Variants in HPS3 observed in about 807,000 individuals in gnomAD.
HPS3 encodes HPS3 biogenesis of lysosomal organelles complex 2 subunit 1.
HPS3 carries 79 observed loss-of-function variants against 110.9 expected under a neutral mutation model. The ratio of observed to expected loss-of-function variants is 0.71; its 90% confidence interval spans 0.59 to 0.86. The LOEUF (loss-of-function observed/expected upper bound fraction) is 0.86. HPS3 is among the 40% of genes least tolerant of loss of function. The pLI, the probability that HPS3 is intolerant of heterozygous loss-of-function variation, is 0.00. For missense variants in HPS3, 1,197 were observed against 1,206.2 expected (o/e 0.99, Z 0.11); for synonymous variants, 428 against 451.0 (o/e 0.95, Z 0.65).
intron 1 of HPS3, among the ~76,000 whole-genome samples, chr3:149,135,468 G>T (rs1388634209): frequency 1.3e-5 from 2 of 152,086 alleles, no homozygotes; most frequent in African/African-American, 2.4e-5. Context: ...TAAGTGTCTG[G>T]CATTTCCCCT....
At chr3:149,149,969 C>T (rs570084652) in intron 5 of HPS3, among the ~76,000 whole-genome samples, 1 of 152,236 alleles carries the variant, frequency 6.6e-6, no homozygotes, top group South Asian at 2.1e-4. Flanking sequence ...GACCTGGGAT[C>T]TAATTGGCTC....
rs550937118 is a variant in HPS3, at chr3:149,146,951, G to A, written c.1163+1405G>A. On this transcript the variant is annotated intron_variant, in intron 5 of 16. Coordinates refer to ENST00000296051, the MANE Select transcript of HPS3 (RefSeq NM_032383.5). ...TGTTTTAGGAAAATTAATGGTGGCT[G>A]TTGTGGAAGATGGATTGAACATAGA... Among the ~76,000 whole-genome samples the A allele has an allele frequency of 4.6e-5, 7 of 152,322 alleles. No homozygotes were observed. In the South Asian group the frequency reaches 1.2e-3, roughly 27 times the overall value.
intron 5 of HPS3, among the ~76,000 whole-genome samples, chr3:149,147,486 A>G (rs1369837807): frequency 1.3e-5 from 2 of 152,230 alleles, no homozygotes; most frequent in African/African-American, 4.8e-5. Flanking sequence ...CATCTCAGAA[A>G]CAATGGAAAA....
Position 149,141,122 on chromosome 3 carries a change from C to A in HPS3, c.818C>A (p.Thr273Lys). 6.2e-7 allele frequency: 1 copy of A among 1,612,986 alleles called. No homozygotes were observed. The highest frequency in any genetic ancestry group is 8.5e-7 in the Non-Finnish European group (1 of 1,179,794). ...EKSEQSGLSVTLESTGLADEK... is the reference protein window; with the variant it reads ...EKSEQSGLSVKLESTGLADEK... ...AGTGAACAGTCTGGATTATCTGTTA[C>A]ACTGGAGTCTACGGGATTAGCTGAT... The change falls in exon 3 of 17, where the codon ACA becomes AAA. Residue 273 changes from threonine (T) to lysine (K), a missense_variant. Thr to Lys is a moderately conservative substitution (Grantham distance 78). Coordinates refer to ENST00000296051, the MANE Select transcript of HPS3 (RefSeq NM_032383.5).
In HPS3 at chr3:149,160,210, C is replaced by A. The variant is rs2108163172; in HGVS notation, c.2037C>A (p.Thr679=). 6.2e-7 allele frequency: 1 copy of A among 1,613,776 alleles called. No individual in the cohort carries two copies. Among genetic ancestry groups the A allele is most frequent in the South Asian group, 1.1e-5 (1 of 91,060 alleles). ...SGFSSILVTL[T]KAAVALKMGD... The stretch of plus-strand genomic sequence containing the variant: ...TTTCATCGATCTTAGTGACATTGAC[C>A]AAGGCAGCAGTGGCTCTGAAAATGG... The change falls in exon 11 of 17, where the codon ACC becomes ACA. Residue 679 remains threonine, a synonymous_variant. Transcript: ENST00000296051.
chr3:149,150,564 T>A, intron 5 of HPS3, 35 bp from the exon 6 acceptor site: 2 of 1,586,190 alleles, frequency 1.3e-6, no homozygotes, highest in Non-Finnish European at 1.7e-6. Context: ...GTTCTTGGCC[T>A]CACTTTGCTC....
Position 149,173,731 on chromosome 3 carries a change from C to T in HPS3, c.*1509C>T, listed in dbSNP as rs1216260462. On this transcript the variant is annotated 3_prime_UTR_variant, in exon 17 of 17. Coordinates refer to ENST00000296051, the MANE Select transcript of HPS3 (RefSeq NM_032383.5). ...TATTTCATTCAGCCAGATTTGGTGTCTATAGAAAAAGAAATTTTAAGACCA... is the reference window on the plus strand; with the variant it reads ...TATTTCATTCAGCCAGATTTGGTGTTTATAGAAAAAGAAATTTTAAGACCA... The T allele has an allele frequency of 7.0e-7, 1 of 1,429,370 alleles. No homozygotes were observed. The highest frequency in any genetic ancestry group is 9.7e-7 in the Non-Finnish European group (1 of 1,035,292). The allele number at this position is 1,429,370 out of a possible 1,614,324, so 88.5% of individuals were successfully genotyped here.
In HPS3 at chr3:149,147,964, G is replaced by A. The variant is rs990436445; in HGVS notation, c.1163+2418G>A. 2.6e-4 allele frequency among the ~76,000 whole-genome samples: 39 copies of A among 151,844 alleles called. No homozygotes were observed. In the East Asian group the frequency reaches 2.7e-3, roughly 11 times the overall value. On this transcript the variant is annotated intron_variant, in intron 5 of 16. Transcript: ENST00000296051. ...CAGCTCACTGCAACCTCTGCCTCCC[G>A]GGTTTAAGCAATTCTCCTGCCTCAA...
intron 1 of HPS3, among the ~76,000 whole-genome samples, chr3:149,132,231 A>G (rs1721821312): frequency 6.6e-6 from 1 of 152,256 alleles, no homozygotes; most frequent in Non-Finnish European, 1.5e-5. Context: ...ACAGTCTTAA[A>G]TTGGAAGAAG....
At chr3:149,135,729 T>A (rs926023822) in intron 1 of HPS3, among the ~76,000 whole-genome samples, 8 of 152,028 alleles carry the variant, frequency 5.3e-5, no homozygotes, top group African/African-American at 1.9e-4. Context: ...CAGGGTTGAG[T>A]GCTGTATGGG....
At chr3:149,172,005 T>C in intron 16 of HPS3, 90 bp from the exon 17 acceptor site, 2 of 1,362,072 alleles carry the variant, frequency 1.5e-6, no homozygotes, top group South Asian at 1.2e-5. Flanking sequence ...ACGCCTGGCC[T>C]GAACTGGCTT....
chr3:149,159,203 C>G (rs1379426711), intron 10 of HPS3, among the ~76,000 whole-genome samples: 3 of 152,152 alleles, frequency 2.0e-5, no homozygotes, highest in African/African-American at 7.2e-5. Context: ...GTCCCTTACT[C>G]CTTGTGTCCT....
chr3:149,158,396 T>G (rs1046983053), intron 9 of HPS3, among the ~76,000 whole-genome samples: 1 of 152,208 alleles, frequency 6.6e-6, no homozygotes. Context: ...GGAGTTTGTT[T>G]CAGTTACTAA....
chr3:149,131,137 AAAAC>A (rs1211597967), intron 1 of HPS3, among the ~76,000 whole-genome samples: 4 of 150,222 alleles, frequency 2.7e-5, no homozygotes, highest in African/African-American at 4.9e-5. Context: ...AAAAAAAAAA[AAAAC>A]AAAAAGTTGA....
chr3:149,158,853 A>T lies in HPS3; in HGVS notation c.1872+7A>T, dbSNP rs895352274. ...GGATGAAGAATTAAATGAAGTGATTATAGTTTTCTGTTTTCTATCTAATAT... is the reference window on the plus strand; with the variant it reads ...GGATGAAGAATTAAATGAAGTGATTTTAGTTTTCTGTTTTCTATCTAATAT... On this transcript the variant is annotated splice_region_variant and intron_variant, in intron 10 of 16. Transcript: ENST00000296051. The T allele has an allele frequency of 4.5e-6, 7 of 1,543,222 alleles. No individual in the cohort carries two copies. The East Asian group carries it at 1.6e-4, about 35-fold the overall frequency.
At chr3:149,157,322 A>C in intron 8 of HPS3, 28 bp from the exon 9 acceptor site, 1 of 1,595,466 alleles carries the variant, frequency 6.3e-7, no homozygotes, top group Non-Finnish European at 8.6e-7. Context: ...TCTCTTCAGC[A>C]ACATTAGTGT....
chr3:149,168,224 A>G, intron 16 of HPS3: 1 of 459,464 alleles, frequency 2.2e-6, no homozygotes, highest in Non-Finnish European at 4.0e-6. Context: ...AAATTATCAC[A>G]GTCATAGAAA....
intron 16 of HPS3, chr3:149,170,529 G>A (rs1724875090): frequency 1.3e-5 from 2 of 152,178 alleles, no homozygotes; most frequent in Non-Finnish European, 2.9e-5. Flanking sequence ...TATAAATGAG[G>A]AACCTAGGAC....
At chr3:149,170,969 C>T (rs1328090783) in intron 16 of HPS3, among the ~76,000 whole-genome samples, 1 of 152,020 alleles carries the variant, frequency 6.6e-6, no homozygotes, top group Non-Finnish European at 1.5e-5. Context: ...ATGTATGTTA[C>T]ATTCCTTAAT....
Sources: gnomAD v4.1 joint callset for allele counts (sites outside exome capture counted in the v4.1 genomes callset) on GRCh38, gnomAD v4.1.1 for gene constraint, MANE v1.5 for transcripts, NCBI Gene and HGNC (gene_info 2026-07-23, HGNC 2026-07-21) for gene names.